The following DIP2C variants were observed in gnomAD, a reference collection of about 807,000 sequenced individuals.
DIP2C encodes the protein disco-interacting protein 2 homolog C.
In DIP2C, 33 loss-of-function variants were observed where a neutral mutation model predicts 192.4. The observed-to-expected ratio is 0.17, with a 90% CI of 0.13 to 0.23. The LOEUF is 0.23. Among genes scored for constraint, DIP2C ranks in the 10% least tolerant of loss-of-function variants. The probability of loss-of-function intolerance (pLI) is 1.00; values close to 1 mark genes in which losing one functional copy is unlikely to be tolerated. For missense variants in DIP2C, 1,537 were observed against 2,110.1 expected, an observed-to-expected ratio of 0.73 and a Z score of 5.32; for synonymous variants, 979 against 864.1, an observed-to-expected ratio of 1.13 and a Z score of -2.33.
At chr10:560,011 C>G (rs947256258) in intron 1 of DIP2C, among the ~76,000 whole-genome samples, 7 of 148,840 alleles carry the variant, frequency 4.7e-5, no homozygotes, top group African/African-American at 1.7e-4. Flanking sequence ...CAGTTCTCAC[C>G]TCTCTCCCCA....
At chr10:454,900 A>G (rs746487502) in intron 3 of DIP2C, among the ~76,000 whole-genome samples, 2 of 152,296 alleles carry the variant, frequency 1.3e-5, no homozygotes, top group East Asian at 3.9e-4. Flanking sequence ...ATTACTATGT[A>G]TATCCACAGC....
At chr10:334,127 A>G (rs1294686691) in intron 29 of DIP2C, among the ~76,000 whole-genome samples, 8 of 152,084 alleles carry the variant, frequency 5.3e-5, no homozygotes, top group Non-Finnish European at 2.9e-5. Context: ...CAACATGGCA[A>G]AACACTGTCT....
rs1441065206 is a variant in DIP2C, at chr10:652,924, C to G, written c.85+36570G>C. 1.3e-5 allele frequency among the ~76,000 whole-genome samples: 2 copies of G among 152,052 alleles called. No homozygotes were observed. Among genetic ancestry groups the G allele is most frequent in the African/African-American group, 4.8e-5 (2 of 41,396 alleles). ...CTCCCCGCCCACAGCTACCTCGCAG[C>G]AGCCACACACTGAGCCATAAACCCT... is the stretch of plus-strand genomic sequence containing the variant. On this transcript the variant is annotated intron_variant, in intron 1 of 36. Coordinates refer to ENST00000280886, the MANE Select transcript of DIP2C (RefSeq NM_014974.3). The surrounding 1 kb of genome is among the most constrained non-coding windows in gnomAD (Gnocchi z 4.5).
At chr10:588,818 C>G (rs1400463198) in intron 1 of DIP2C, among the ~76,000 whole-genome samples, 1 of 152,222 alleles carries the variant, frequency 6.6e-6, no homozygotes, top group Non-Finnish European at 1.5e-5. Flanking sequence ...TGTTCAACAT[C>G]TGGACACAGT....
intron 1 of DIP2C, among the ~76,000 whole-genome samples, chr10:578,280 T>C (rs1332057794): frequency 6.6e-6 from 1 of 152,168 alleles, no homozygotes; most frequent in South Asian, 2.1e-4. Context: ...TTTTGCTACA[T>C]CATGAAGAAC....
intron 22 of DIP2C, among the ~76,000 whole-genome samples, chr10:359,496 C>G (rs759200235): frequency 6.6e-6 from 1 of 152,162 alleles, no homozygotes; most frequent in Non-Finnish European, 1.5e-5. Flanking sequence ...GCCTCCTACA[C>G]TCGGCAAATC....
intron 1 of DIP2C, among the ~76,000 whole-genome samples, chr10:519,785 C>G (rs1037635863): frequency 6.6e-6 from 1 of 152,228 alleles, no homozygotes; most frequent in Non-Finnish European, 1.5e-5. Context: ...AAACGGACGA[C>G]GCAGTCTTGA....
chr10:307,693 G>A (rs907920536), intron 32 of DIP2C, among the ~76,000 whole-genome samples: 6 of 152,230 alleles, frequency 3.9e-5, no homozygotes, highest in African/African-American at 1.2e-4. Flanking sequence ...AAACAGAAAG[G>A]AATGAGAAGA....
chr10:408,733 G>C (rs2133070430), intron 9 of DIP2C, among the ~76,000 whole-genome samples, 193 bp downstream of exon 9: 1 of 152,324 alleles, frequency 6.6e-6, no homozygotes, highest in Non-Finnish European at 1.5e-5. Context: ...ACCTGCTCAG[G>C]ATGTAATGTT....
intron 33 of DIP2C, among the ~76,000 whole-genome samples, chr10:287,895 C>T (rs562854736): frequency 2.6e-5 from 4 of 152,276 alleles, no homozygotes; most frequent in Non-Finnish European, 4.4e-5. Context: ...CTCAATAGTT[C>T]CCAACCTTTA....
intron 29 of DIP2C, among the ~76,000 whole-genome samples, chr10:333,323 C>T (rs1475966952): frequency 6.6e-6 from 1 of 152,256 alleles, no homozygotes; most frequent in African/African-American, 2.4e-5. Flanking sequence ...GGTCACTACT[C>T]TAGAACATTC....
At chr10:432,864 T>C (rs1966883802) in intron 4 of DIP2C, among the ~76,000 whole-genome samples, 1 of 152,226 alleles carries the variant, frequency 6.6e-6, no homozygotes, top group South Asian at 2.1e-4. Context: ...TTCAAAACTT[T>C]AAAGAAATCT....
chr10:551,873 C>T (rs1306969795), intron 1 of DIP2C, among the ~76,000 whole-genome samples: 3 of 152,216 alleles, frequency 2.0e-5, no homozygotes, highest in East Asian at 1.9e-4. Context: ...CTCAATGTCA[C>T]GGCCCATTTC....
rs189803507 is a variant in DIP2C at position 481,742 on chromosome 10, G to A, written c.157+4717C>T. Among the ~76,000 whole-genome samples the A allele has an allele frequency of 5.0e-4, 76 of 152,296 alleles. No homozygotes were observed. In the East Asian group the frequency reaches 0.013, roughly 25 times the overall value. ...GTGGATCTGAGCATCATGCGGACAC[G>A]GTGGCGTCTGCCCTCAGGGACACTG... On this transcript the variant is annotated intron_variant, in intron 2 of 36. Coordinates refer to ENST00000280886, the MANE Select transcript of DIP2C (RefSeq NM_014974.3).
intron 1 of DIP2C, among the ~76,000 whole-genome samples, chr10:503,520 C>T (rs1049101555): frequency 2.0e-5 from 3 of 152,196 alleles, no homozygotes; most frequent in Non-Finnish European, 2.9e-5. Context: ...TATCTTAAAG[C>T]TGGCGGAAAA....
intron 29 of DIP2C, among the ~76,000 whole-genome samples, chr10:339,244 T>C (rs754352721): frequency 2.0e-5 from 3 of 152,116 alleles, no homozygotes; most frequent in Non-Finnish European, 4.4e-5. Context: ...TTTTTTGTTT[T>C]TTAAAAGCAA....
chr10:489,297 C>A (rs557561386), intron 1 of DIP2C, among the ~76,000 whole-genome samples: 1 of 152,232 alleles, frequency 6.6e-6, no homozygotes, highest in Non-Finnish European at 1.5e-5. Context: ...TCTAGCAGCA[C>A]TTTTACATGC....
At chr10:579,022 T>C (rs1263235218) in intron 1 of DIP2C, among the ~76,000 whole-genome samples, 1 of 152,004 alleles carries the variant, frequency 6.6e-6, no homozygotes, top group Non-Finnish European at 1.5e-5. Context: ...TGGTAGAGCG[T>C]ACATACATCC....
At chr10:440,204 A>G (rs1967616943) in intron 4 of DIP2C, among the ~76,000 whole-genome samples, 2 of 152,228 alleles carry the variant, frequency 1.3e-5, no homozygotes, top group Admixed American at 1.3e-4. Flanking sequence ...CATAACACAA[A>G]TATAAATGGG....
Sources: allele counts gnomAD v4.1 joint callset (sites outside exome capture counted in the v4.1 genomes callset), GRCh38; gene constraint gnomAD v4.1.1; non-coding constraint Gnocchi (gnomAD v3.1); transcripts MANE v1.5; gene names NCBI Gene and HGNC (gene_info 2026-07-23, HGNC 2026-07-21).